Variants in ZNF169 observed in about 807,000 individuals in gnomAD.
ZNF169 encodes the protein zinc finger protein 169.
A neutral mutation model predicts 12.0 loss-of-function variants in ZNF169; 11 were observed. The ratio of observed to expected loss-of-function variants is 0.92; its 90% CI spans 0.58 to 1.52. The LOEUF is 1.52. Ranked by LOEUF, ZNF169 falls within the 40% of genes most tolerant of loss-of-function variation. ZNF169 has a pLI of 0.00. For synonymous variants in ZNF169, 302 were observed against 286.5 expected (o/e 1.05, Z -0.55); for missense variants, 722 against 744.0 (o/e 0.97, Z 0.34).
intron 3 of ZNF169, 171 bp downstream of exon 3, chr9:94,292,638 TGTGC>T: frequency 1.6e-5 from 13 of 824,742 alleles, no homozygotes; most frequent in Non-Finnish European, 2.0e-5. Context: ...TGTGTGTGTG[TGTGC>T]GCGTGCACAT....
chr9:94,274,605 C>T (rs1291091023), intron 1 of ZNF169, among the ~76,000 whole-genome samples: 1 of 152,172 alleles, frequency 6.6e-6, no homozygotes. Context: ...GTTGACAATG[C>T]ATTCAATATA....
intron 2 of ZNF169, among the ~76,000 whole-genome samples, chr9:94,280,626 G>A (rs966863539): frequency 9.2e-5 from 14 of 152,154 alleles, no homozygotes; most frequent in East Asian, 3.8e-4. Flanking sequence ...TGCAACTCGC[G>A]AATGGAGTAA....
At chr9:94,278,257 A>C (rs1830560044) in intron 1 of ZNF169, among the ~76,000 whole-genome samples, 1 of 152,180 alleles carries the variant, frequency 6.6e-6, no homozygotes, top group African/African-American at 2.4e-5. Flanking sequence ...CTAATTTTTG[A>C]TATGTGAGTG....
At chr9:94,270,287 T>G (rs866313091) in intron 1 of ZNF169, among the ~76,000 whole-genome samples, 1 of 152,142 alleles carries the variant, frequency 6.6e-6, no homozygotes, top group African/African-American at 2.4e-5. Flanking sequence ...TTTCTGTCTT[T>G]TACCTGCCCT....
chr9:94,292,997 C>G lies in ZNF169; in HGVS notation c.184C>G (p.Leu62Val). ...SLGIAFSKPK[L>V]IEQLEQGDEP... is the part of the protein sequence containing the mutation. ...AGGAATTGCATTTTCCAAACCAAAA[C>G]TCATCGAACAGCTGGAGCAAGGCGA... Residue 62 changes from leucine to valine, a missense_variant, in exon 4 of 5, where the codon CTC (leucine) becomes GTC (valine). By Grantham distance (32) the Leu-to-Val change is conservative. Coordinates refer to ENST00000395395, the MANE Select transcript of ZNF169 (RefSeq NM_194320.4). 6.2e-7 allele frequency: 1 copy of G among 1,613,056 alleles called. No individual in the cohort carries two copies. Among genetic ancestry groups the G allele is most frequent in the Non-Finnish European group, 8.5e-7 (1 of 1,179,538 alleles).
intron 1 of ZNF169, among the ~76,000 whole-genome samples, chr9:94,260,812 ATTTTTTTTTTTTTT>A (rs561717345): frequency 5.7e-5 from 4 of 70,082 alleles, no homozygotes; most frequent in African/African-American, 1.6e-4. Context: ...CCAAACCTAC[ATTTTTTTTTTTTTT>A]TTTTTTTTTT....
rs781316175 is a variant in ZNF169, at chr9:94,278,887, C to T, written c.33+42C>T. The T allele has an allele frequency of 1.9e-6, 3 of 1,608,998 alleles. No homozygotes were observed. The Admixed American group carries it at 5.0e-5, about 27-fold the overall frequency. On this transcript the variant is annotated intron_variant, in intron 2 of 4. Transcript: ENST00000395395. ...CTTCCTAGCTATTGCAGGAAGGTTT[C>T]ATAATCTTTTCTTGTCCTGAAGGCT...
Position 94,301,068 on chromosome 9 carries a change from C to T in ZNF169, c.1510C>T (p.His504Tyr). Residue 504 changes from histidine to tyrosine, a missense_variant, in exon 5 of 5, where the codon CAC becomes TAC. Physicochemically the swap from His to Tyr is moderately conservative, Grantham distance 83. Coordinates refer to ENST00000395395, the MANE Select transcript of ZNF169 (RefSeq NM_194320.4). ...AFGFKSLLTRHQRTHSEEELY... is the reference protein window; with the variant it reads ...AFGFKSLLTRYQRTHSEEELY... ...TGGCTTTAAGTCGCTCCTCACCCGA[C>T]ACCAGAGGACACACTCAGAGGAGGA... 1 of 1,614,220 alleles carries T rather than the reference C, an allele frequency of 6.2e-7. No individual in the cohort carries two copies. Among genetic ancestry groups the T allele is most frequent in the Non-Finnish European group, 8.5e-7 (1 of 1,180,036 alleles).
At chr9:94,271,492 C>A (rs1288428222) in intron 1 of ZNF169, among the ~76,000 whole-genome samples, 1 of 151,930 alleles carries the variant, frequency 6.6e-6, no homozygotes, top group South Asian at 2.1e-4. Context: ...GAGGCCGAGG[C>A]GGGCAGATCA....
At position 94,300,418 on chromosome 9, in the gene ZNF169, A is replaced by C. The variant is rs1167947090; in HGVS notation, c.860A>C (p.Glu287Ala). 1 of 1,613,484 alleles carries C rather than the reference A, an allele frequency of 6.2e-7. No homozygotes were observed. The highest frequency in any genetic ancestry group is 1.3e-5 in the African/African-American group (1 of 74,708). The change falls in exon 5 of 5, where the codon GAG becomes GCG. Residue 287 changes from glutamate to alanine, a missense_variant. Physicochemically the swap from Glu to Ala is moderately radical, Grantham distance 107. Coordinates refer to ENST00000395395, the MANE Select transcript of ZNF169 (RefSeq NM_194320.4). ...ATACACCAGAGGAAGCACTCGGGGGAGAAGCCGTATGTGTGCAGGGAATGT... is the reference window on the plus strand; with the variant it reads ...ATACACCAGAGGAAGCACTCGGGGGCGAAGCCGTATGTGTGCAGGGAATGT... ...LSIHQRKHSGEKPYVCRECGR... is the reference protein window; with the variant it reads ...LSIHQRKHSGAKPYVCRECGR...
intron 4 of ZNF169, chr9:94,296,996 G>A (rs1196248356): frequency 2.1e-5 from 7 of 336,442 alleles, no homozygotes; most frequent in Admixed American, 1.6e-4. Context: ...GCAGTGAGCC[G>A]AGATCACACT....
Position 94,299,867 on chromosome 9 carries a change from C to T in ZNF169, c.309C>T (p.Ser103=), listed in dbSNP as rs372039970. ...TTCCCCACCTGGTGGCCTTTTCTAGCTCGCAGCTCCTCAGACAATATGCGC... is the reference window on the plus strand; with the variant it reads ...TTCCCCACCTGGTGGCCTTTTCTAGTTCGCAGCTCCTCAGACAATATGCGC... ...PSFPHLVAFS[S]SQLLRQYALS... is the part of the protein sequence containing the mutation. The change falls in exon 5 of 5, where the codon AGC becomes AGT. Residue 103 remains serine (S), a synonymous_variant. Coordinates refer to ENST00000395395, the MANE Select transcript of ZNF169 (RefSeq NM_194320.4). 2.5e-6 allele frequency: 4 copies of T among 1,613,964 alleles called. No homozygotes were observed. Among genetic ancestry groups the T allele is most frequent in the Non-Finnish European group, 2.5e-6 (3 of 1,180,018 alleles).
chr9:94,277,340 C>T (rs1234072910), intron 1 of ZNF169, among the ~76,000 whole-genome samples: 1 of 152,058 alleles, frequency 6.6e-6, no homozygotes. Context: ...AAAAGGCTGC[C>T]TGGCTCTTAG....
chr9:94,271,967 T>C (rs1315531062), intron 1 of ZNF169, among the ~76,000 whole-genome samples: 4 of 152,132 alleles, frequency 2.6e-5, no homozygotes, highest in African/African-American at 9.7e-5. Context: ...GCCTGAACTT[T>C]TACTTCTGGT....
intron 3 of ZNF169, 135 bp from the exon 4 acceptor site, chr9:94,292,839 G>A: frequency 1.4e-6 from 1 of 708,388 alleles, no homozygotes; most frequent in Non-Finnish European, 2.4e-6. Flanking sequence ...TTAGCATTCA[G>A]ACATAGTTTA....
intron 1 of ZNF169, among the ~76,000 whole-genome samples, chr9:94,268,414 G>A (rs1830330254): frequency 1.3e-5 from 2 of 151,974 alleles, no homozygotes; most frequent in African/African-American, 4.8e-5. Context: ...CCCAAAGAAA[G>A]CCAAACATGA....
intron 1 of ZNF169, among the ~76,000 whole-genome samples, chr9:94,278,304 C>T (rs1274042383): frequency 6.6e-6 from 1 of 152,074 alleles, no homozygotes; most frequent in Non-Finnish European, 1.5e-5. Flanking sequence ...TAGAAGGAAA[C>T]TCAGGTTATG....
rs1042934737 is a variant in ZNF169 at position 94,299,560 on chromosome 9, A to G, written c.257-255A>G. The G allele has an allele frequency of 3.7e-6, 5 of 1,338,080 alleles. No homozygotes were observed. The Admixed American group carries it at 1.4e-4, about 38-fold the overall frequency. 82.9% of individuals were successfully genotyped at this position (1,338,080 alleles called of 1,614,324 possible). A position where few individuals can be genotyped will look rare whatever the true frequency, so the allele number is the denominator to read the frequency against. On this transcript the variant is annotated intron_variant, in intron 4 of 4. Transcript: ENST00000395395. ...AAAGCAAGGGAGCGGCGCCCAAGAA[A>G]GGAAGATAAATGTGTAACTCTACTT... is the stretch of plus-strand genomic sequence containing the variant.
chr9:94,295,033 G>A (rs575148346), intron 4 of ZNF169: 11 of 152,120 alleles, frequency 7.2e-5, no homozygotes, highest in African/African-American at 2.4e-4. Context: ...AAAGCATTTC[G>A]TTATATAAAA....
Sources: allele counts gnomAD v4.1 joint callset (sites outside exome capture counted in the v4.1 genomes callset), GRCh38; gene constraint gnomAD v4.1.1; transcripts MANE v1.5; gene names NCBI Gene and HGNC (gene_info 2026-07-23, HGNC 2026-07-21).